Variants in TBCK observed in about 807,000 individuals in gnomAD.
TBCK encodes TBC1 domain containing kinase.
A neutral mutation model predicts 113.4 loss-of-function variants in TBCK; 99 were observed. That is an observed-to-expected ratio of 0.87 (90% CI 0.74 to 1.03). TBCK has a LOEUF of 1.03. Ranked by LOEUF, TBCK falls within the 50% of genes least tolerant of loss-of-function variation. TBCK has a pLI of 0.00. For synonymous variants in TBCK, 369 were observed against 370.8 expected (o/e 1.00, Z 0.05); for missense variants, 1,045 against 1,061.3 (o/e 0.98, Z 0.21).
chr4:106,214,037 C>T (rs1360338150), intron 19 of TBCK, among the ~76,000 whole-genome samples: 3 of 152,160 alleles, frequency 2.0e-5, no homozygotes, highest in Non-Finnish European at 4.4e-5. Flanking sequence ...CAGCAGACTG[C>T]CCCCTCAAGT....
chr4:106,228,696 G>A (rs1758503594), intron 19 of TBCK, among the ~76,000 whole-genome samples: 1 of 151,996 alleles, frequency 6.6e-6, no homozygotes, highest in East Asian at 1.9e-4. Context: ...GAATGGTGCT[G>A]CAATAAACAT....
chr4:106,122,869 C>T (rs534911511), intron 23 of TBCK, among the ~76,000 whole-genome samples: 105 of 152,158 alleles, frequency 6.9e-4, no homozygotes, highest in Middle Eastern at 6.8e-3. Context: ...ATTGATGGGA[C>T]GTATTTCAAA....
chr4:106,180,408 TA>T (rs1317271459), intron 22 of TBCK, among the ~76,000 whole-genome samples: 1 of 152,044 alleles, frequency 6.6e-6, no homozygotes, highest in African/African-American at 2.4e-5. Flanking sequence ...TATTATACTT[TA>T]AGTTCTGGGT....
intron 24 of TBCK, among the ~76,000 whole-genome samples, chr4:106,109,323 G>A (rs1428499742): frequency 6.6e-6 from 1 of 152,052 alleles, no homozygotes; most frequent in Non-Finnish European, 1.5e-5. Context: ...CCAAGACGAT[G>A]CTAAGCAAAA....
chr4:106,278,131 T>C (rs542078688), intron 3 of TBCK, among the ~76,000 whole-genome samples: 36 of 152,296 alleles, frequency 2.4e-4, no homozygotes, highest in African/African-American at 7.9e-4. Context: ...TAAGGTAATA[T>C]GAAGGCATTT....
Position 106,236,465 on chromosome 4 carries a change from C to G in TBCK, c.1275G>C (p.Thr425=), listed in dbSNP as rs139522309. ...CCTTCTCTCTGATGATTAAAGGGAG[C>G]GTGGCAGCTGCAGACAACTCATTAT... is the stretch of plus-strand genomic sequence containing the variant. ...NSNNELSAAA[T]LPLIIREKDT... is the part of the protein sequence containing the mutation. The change falls in exon 14 of 26, where the codon ACG becomes ACC. Residue 425 remains threonine, a synonymous_variant. Coordinates refer to ENST00000394708, the MANE Select transcript of TBCK (RefSeq NM_001163435.3). 1 of 1,577,126 alleles carries G rather than the reference C, an allele frequency of 6.3e-7. No individual in the cohort carries two copies. The highest frequency in any genetic ancestry group is 8.6e-7 in the Non-Finnish European group (1 of 1,160,546).
At chr4:106,089,553 C>T (rs1302252724) in intron 25 of TBCK, among the ~76,000 whole-genome samples, 2 of 152,104 alleles carry the variant, frequency 1.3e-5, no homozygotes, top group African/African-American at 2.4e-5. Flanking sequence ...TCTCAAGTGC[C>T]AAGTGTCAAG....
chr4:106,083,455 G>A (rs1739132194), intron 25 of TBCK, among the ~76,000 whole-genome samples: 1 of 152,218 alleles, frequency 6.6e-6, no homozygotes, highest in Admixed American at 6.5e-5. Context: ...AGCCCCTGGG[G>A]GATCGGGGAG....
intron 23 of TBCK, among the ~76,000 whole-genome samples, chr4:106,165,557 T>G (rs1750265621): frequency 6.6e-6 from 1 of 151,736 alleles, no homozygotes; most frequent in African/African-American, 2.4e-5. Flanking sequence ...TACTAGAACA[T>G]CATGTCCTTT....
chr4:106,113,138 T>C (rs959445625), intron 24 of TBCK, among the ~76,000 whole-genome samples: 1 of 152,262 alleles, frequency 6.6e-6, no homozygotes, highest in African/African-American at 2.4e-5. Context: ...TTTGCATTTA[T>C]GGGGTGGCCT....
At chr4:106,221,845 G>A (rs946867895) in intron 19 of TBCK, among the ~76,000 whole-genome samples, 5 of 152,026 alleles carry the variant, frequency 3.3e-5, no homozygotes, top group Non-Finnish European at 5.9e-5. Context: ...AGAGATGATT[G>A]AAAACCTACC....
intron 25 of TBCK, among the ~76,000 whole-genome samples, chr4:106,086,733 C>T (rs939622632): frequency 1.8e-4 from 28 of 152,208 alleles, no homozygotes; most frequent in African/African-American, 6.5e-4. Context: ...ACTTATCCAT[C>T]ACGATCAAGT....
At chr4:106,083,014 G>C (rs904863373) in intron 25 of TBCK, among the ~76,000 whole-genome samples, 2 of 152,228 alleles carry the variant, frequency 1.3e-5, no homozygotes, top group African/African-American at 4.8e-5. Flanking sequence ...CCCAACCCTA[G>C]AATGTGCAGA....
intron 5 of TBCK, among the ~76,000 whole-genome samples, chr4:106,257,771 T>A (rs1240330925): frequency 6.6e-6 from 1 of 152,122 alleles, no homozygotes. Context: ...ACATATTCTA[T>A]ATGTGATTTG....
chr4:106,141,161 A>T (rs1252107350), intron 23 of TBCK, among the ~76,000 whole-genome samples: 8 of 140,100 alleles, frequency 5.7e-5, no homozygotes, highest in African/African-American at 2.0e-4. Flanking sequence ...GTTATTTAAT[A>T]TTGTTCTAGA....
intron 24 of TBCK, among the ~76,000 whole-genome samples, chr4:106,115,946 A>G (rs1743432029): frequency 6.6e-6 from 1 of 152,346 alleles, no homozygotes; most frequent in South Asian, 2.1e-4. Flanking sequence ...AGCAATATAC[A>G]CCAGAGAAAC....
chr4:106,225,761 T>C (rs1192826495), intron 19 of TBCK, among the ~76,000 whole-genome samples: 1 of 152,160 alleles, frequency 6.6e-6, no homozygotes, highest in African/African-American at 2.4e-5. Flanking sequence ...CCAGCTTTTT[T>C]GGCCTTTCTG....
chr4:106,247,488 T>C, intron 9 of TBCK: 1 of 494,856 alleles, frequency 2.0e-6, no homozygotes, highest in African/African-American at 2.0e-5. Flanking sequence ...TTTTTTTTAC[T>C]TATGTTGTAC....
chr4:106,096,674 A>ATGAC (rs981620787), intron 24 of TBCK, among the ~76,000 whole-genome samples: 6 of 152,300 alleles, frequency 3.9e-5, no homozygotes, highest in African/African-American at 1.4e-4. Flanking sequence ...TGCTACAACC[A>ATGAC]TGACTGACAG....
Sources: gnomAD v4.1 joint callset for allele counts (sites outside exome capture counted in the v4.1 genomes callset) on GRCh38, gnomAD v4.1.1 for gene constraint, MANE v1.5 for transcripts, NCBI Gene and HGNC (gene_info 2026-07-23, HGNC 2026-07-21) for gene names.